The following CNR2 variants were observed in gnomAD, a reference collection of about 807,000 sequenced individuals.
CNR2 encodes cannabinoid receptor 2 (macrophage).
For missense variants in CNR2, 379 were observed against 439.9 expected (o/e 0.86, Z 1.24); for synonymous variants, 172 against 182.2 (o/e 0.94, Z 0.45).
At chr1:23,878,275 G>A (rs1160406673) in intron 1 of CNR2, among the ~76,000 whole-genome samples, 2 of 151,752 alleles carry the variant, frequency 1.3e-5, no homozygotes, top group African/African-American at 2.4e-5. Flanking sequence ...GAGGTGGGAG[G>A]ATCACTTGAG....
At position 23,872,113 on chromosome 1, in the gene CNR2, A is replaced by G. The variant is rs1639773413; in HGVS notation, c.*2422T>C. 1 of 141,444 alleles carries G rather than the reference A, an allele frequency of 7.1e-6. No homozygotes were observed. The highest frequency in any genetic ancestry group is 2.7e-5 in the African/African-American group (1 of 37,556). The allele number at this position is 141,444 out of a possible 1,614,324, so 8.8% of individuals were successfully genotyped here. On this transcript the variant is annotated 3_prime_UTR_variant, in exon 2 of 2. Transcript: ENST00000374472. ...ATGTCACTGCACTCCTGCCTGGACA[A>G]CAGAATGAGATTCCGTCTCAAAAAA... is the stretch of plus-strand genomic sequence containing the variant.
chr1:23,902,396 C>A, intron 1 of CNR2: 1 of 1,586,936 alleles, frequency 6.3e-7, no homozygotes, highest in Non-Finnish European at 8.6e-7. Flanking sequence ...TCAGACTTGT[C>A]CCCAGAAAGT....
intron 1 of CNR2, among the ~76,000 whole-genome samples, chr1:23,886,377 G>C (rs1355953730): frequency 6.6e-6 from 1 of 152,146 alleles, no homozygotes; most frequent in African/African-American, 2.4e-5. Flanking sequence ...ACTCCGAAAG[G>C]GATTTCTATC....
chr1:23,883,585 G>A (rs1348175809), intron 1 of CNR2, among the ~76,000 whole-genome samples: 1 of 152,196 alleles, frequency 6.6e-6, no homozygotes, highest in East Asian at 1.9e-4. Flanking sequence ...AGCACTTTGG[G>A]AGGCCGAAAC....
intron 1 of CNR2, among the ~76,000 whole-genome samples, chr1:23,877,226 C>A (rs1032813835): frequency 6.6e-6 from 1 of 152,032 alleles, no homozygotes; most frequent in Admixed American, 6.6e-5. Flanking sequence ...CTGGGTAGAT[C>A]TGAAAAAGAT....
At chr1:23,878,086 T>G (rs1056446188) in intron 1 of CNR2, among the ~76,000 whole-genome samples, 1 of 152,086 alleles carries the variant, frequency 6.6e-6, no homozygotes, top group Non-Finnish European at 1.5e-5. Context: ...TGTTTATATC[T>G]CAGAGGAGTG....
intron 1 of CNR2, among the ~76,000 whole-genome samples, chr1:23,883,117 T>C (rs1640020628): frequency 6.6e-6 from 1 of 152,134 alleles, no homozygotes; most frequent in Admixed American, 6.5e-5. Flanking sequence ...AGAGAAATGG[T>C]CAATAATCCT....
intron 1 of CNR2, among the ~76,000 whole-genome samples, chr1:23,884,990 T>G (rs1055179485): frequency 3.3e-5 from 5 of 151,778 alleles, no homozygotes; most frequent in African/African-American, 7.3e-5. Flanking sequence ...TTAGTAGAGG[T>G]GGGGTTTCAC....
At chr1:23,902,631 T>G in intron 1 of CNR2, 1 of 1,599,488 alleles carries the variant, frequency 6.3e-7, no homozygotes, top group East Asian at 2.2e-5. Context: ...CAGGACGTAC[T>G]TGTGGGCGGG....
Position 23,872,155 on chromosome 1 carries a change from A to AAAAAAAAAAC in CNR2, c.*2379_*2380insGTTTTTTTTT, listed in dbSNP as rs1639774880. On this transcript the variant is annotated 3_prime_UTR_variant, in exon 2 of 2. Transcript: ENST00000374472. Reference sequence around the variant, plus strand: ...CTCAAAAAAAAAAAAAAAAAAAAAAAAGACACCAAGAGACACAGAGGAAAT... The same window carrying AAAAAAAAAAC: ...CTCAAAAAAAAAAAAAAAAAAAAAAAAAAAAAAAACAGACACCAAGAGACACAGAGGAAAT... 1 of 150,520 alleles carries AAAAAAAAAAC rather than the reference A, an allele frequency of 6.6e-6. No homozygotes were observed. Among genetic ancestry groups the AAAAAAAAAAC allele is most frequent in the African/African-American group, 2.4e-5 (1 of 40,948 alleles). The allele number at this position is 150,520 out of a possible 1,614,324, so 9.3% of individuals were successfully genotyped here.
chr1:23,893,931 C>T (rs747727014), intron 1 of CNR2, among the ~76,000 whole-genome samples: 2 of 151,588 alleles, frequency 1.3e-5, no homozygotes, highest in South Asian at 2.1e-4. Flanking sequence ...AGAGACCAGC[C>T]CGGGTAACAT....
chr1:23,906,233 G>T (rs1640483943), intron 1 of CNR2, among the ~76,000 whole-genome samples: 1 of 151,902 alleles, frequency 6.6e-6, no homozygotes, highest in Non-Finnish European at 1.5e-5. Flanking sequence ...CCCACCTCCT[G>T]CCCCTTATTA....
chr1:23,879,005 C>T (rs2148458425), intron 1 of CNR2, among the ~76,000 whole-genome samples: 1 of 152,014 alleles, frequency 6.6e-6, no homozygotes, highest in South Asian at 2.1e-4. Context: ...GAAATTCAAC[C>T]CAAAGGGAAG....
chr1:23,910,200 A>C (rs966889829), intron 1 of CNR2, among the ~76,000 whole-genome samples: 2 of 137,216 alleles, frequency 1.5e-5, no homozygotes, highest in African/African-American at 5.5e-5. Flanking sequence ...AGCTCAAGCT[A>C]TCCTCCTGCC....
intron 1 of CNR2, among the ~76,000 whole-genome samples, chr1:23,893,515 CAGG>C (rs1640222699): frequency 6.6e-6 from 1 of 152,154 alleles, no homozygotes; most frequent in South Asian, 2.1e-4. Flanking sequence ...ACTAATTAAG[CAGG>C]AGATTGGTTG....
intron 1 of CNR2, among the ~76,000 whole-genome samples, chr1:23,910,654 CAAAAAAAA>C (rs34083515): frequency 1.2e-4 from 4 of 32,198 alleles, no homozygotes; most frequent in African/African-American, 3.4e-4. Context: ...AACGCTGTCT[CAAAAAAAA>C]AAAAAAAAAA....
At chr1:23,910,514 C>G (rs549266050) in intron 1 of CNR2, among the ~76,000 whole-genome samples, 1 of 151,276 alleles carries the variant, frequency 6.6e-6, no homozygotes, top group South Asian at 2.1e-4. Context: ...ATTAGCCGGG[C>G]GTGGTGGTGC....
In CNR2 at chr1:23,898,428, G is replaced by A. The variant is rs550443805; in HGVS notation, c.-46+14818C>T. Among the ~76,000 whole-genome samples the A allele has an allele frequency of 1.8e-3, 251 of 137,314 alleles. 2 individuals carry two copies. Among genetic ancestry groups the A allele is most frequent in the African/African-American group, 6.6e-3 (237 of 36,136 alleles). 90.1% of individuals were successfully genotyped at this position (137,314 alleles called of 152,430 possible). On this transcript the variant is annotated intron_variant, in intron 1 of 1. Transcript: ENST00000374472. Reference sequence around the variant, plus strand: ...ATGATCTCAGCTCACTGCAAGCTCCGCCTTCCAGGTTCACACCATTCTCCT... The same window carrying A: ...ATGATCTCAGCTCACTGCAAGCTCCACCTTCCAGGTTCACACCATTCTCCT...
At chr1:23,890,748 A>C (rs1234777092) in intron 1 of CNR2, among the ~76,000 whole-genome samples, 2 of 147,920 alleles carry the variant, frequency 1.4e-5, no homozygotes, top group Admixed American at 6.7e-5. Context: ...TCTGTCTCAA[A>C]AAAAAAAAAA....
Sources: gnomAD v4.1 joint callset for allele counts (sites outside exome capture counted in the v4.1 genomes callset) on GRCh38, gnomAD v4.1.1 for gene constraint, MANE v1.5 for transcripts, NCBI Gene and HGNC (gene_info 2026-07-23, HGNC 2026-07-21) for gene names.